Variants in ADAMTSL1 observed in about 807,000 individuals in gnomAD.
The protein encoded by ADAMTSL1 is ADAMTS-like protein 1.
Under a neutral mutation model 201.8 loss-of-function variants are expected in ADAMTSL1, and 126 were observed. That is an observed-to-expected ratio of 0.62 (90% CI 0.54 to 0.72). The LOEUF (loss-of-function observed/expected upper bound fraction) is 0.72. Among genes scored for constraint, ADAMTSL1 ranks in the 30% least tolerant of loss-of-function variants. The probability of loss-of-function intolerance (pLI) is 0.00; values close to 1 mark genes in which losing one functional copy is unlikely to be tolerated. For synonymous variants in ADAMTSL1, 1,121 were observed against 903.4 expected (o/e 1.24, Z -4.32); for missense variants, 2,679 against 2,277.8 (o/e 1.18, Z -3.59).
chr9:18,252,154 G>T (rs1831488806), intron 2 of ADAMTSL1, among the ~76,000 whole-genome samples: 1 of 152,112 alleles, frequency 6.6e-6, no homozygotes. Context: ...TAGGAGAAAA[G>T]TTGCAGTACA....
intron 2 of ADAMTSL1, among the ~76,000 whole-genome samples, chr9:18,171,299 A>C (rs1429591096): frequency 2.0e-5 from 3 of 152,092 alleles, no homozygotes; most frequent in African/African-American, 7.2e-5. Flanking sequence ...AACAAATTTC[A>C]GACATATTAA....
At chr9:18,515,441 C>A (rs920128618) in intron 2 of ADAMTSL1, among the ~76,000 whole-genome samples, 1 of 152,112 alleles carries the variant, frequency 6.6e-6, no homozygotes, top group Non-Finnish European at 1.5e-5. Flanking sequence ...TTCAAACCGT[C>A]CTCCTATCTC....
At chr9:18,536,835 C>G (rs1159690273) in intron 3 of ADAMTSL1, among the ~76,000 whole-genome samples, 3 of 152,142 alleles carry the variant, frequency 2.0e-5, no homozygotes, top group Non-Finnish European at 4.4e-5. Context: ...TTTCTTAGGT[C>G]ATATCTTCAT....
intron 4 of ADAMTSL1, among the ~76,000 whole-genome samples, chr9:18,598,184 C>T (rs570414669): frequency 1.3e-5 from 2 of 152,170 alleles, no homozygotes; most frequent in Non-Finnish European, 2.9e-5. Flanking sequence ...CAAATCAGTA[C>T]CTTTGAAAGG....
chr9:18,688,307 A>C (rs1437564797), intron 13 of ADAMTSL1, among the ~76,000 whole-genome samples: 1 of 151,414 alleles, frequency 6.6e-6, no homozygotes, highest in African/African-American at 2.4e-5. Flanking sequence ...TATTTTTAGT[A>C]AATAAGAGAC....
intron 4 of ADAMTSL1, among the ~76,000 whole-genome samples, chr9:18,595,556 C>G (rs922072830): frequency 3.9e-5 from 6 of 152,184 alleles, no homozygotes; most frequent in African/African-American, 1.2e-4. Flanking sequence ...TGCTTTGGGA[C>G]AGAAGTAGAT....
intron 2 of ADAMTSL1, among the ~76,000 whole-genome samples, chr9:18,205,851 C>T (rs560133284): frequency 6.6e-6 from 1 of 151,668 alleles, no homozygotes. Flanking sequence ...GTCAGGAGTT[C>T]GAGACCAGCC....
intron 5 of ADAMTSL1, among the ~76,000 whole-genome samples, chr9:18,629,926 T>C (rs1826639490): frequency 6.6e-6 from 1 of 152,224 alleles, no homozygotes; most frequent in South Asian, 2.1e-4. Flanking sequence ...ATAGTAACTA[T>C]TTTAATATCC....
At chr9:18,787,983 C>A (rs2133808821) in intron 19 of ADAMTSL1, among the ~76,000 whole-genome samples, 1 of 152,234 alleles carries the variant, frequency 6.6e-6, no homozygotes, top group East Asian at 1.9e-4. Flanking sequence ...AGAAGAAGAC[C>A]AGGGTTAAGA....
At chr9:18,031,996 C>G (rs1427672321) in intron 1 of ADAMTSL1, among the ~76,000 whole-genome samples, 2 of 152,182 alleles carry the variant, frequency 1.3e-5, no homozygotes, top group African/African-American at 2.4e-5. Context: ...TGGGGTCCAC[C>G]TAGTTCATGC....
At chr9:18,187,672 C>A (rs980918240) in intron 2 of ADAMTSL1, among the ~76,000 whole-genome samples, 3 of 151,728 alleles carry the variant, frequency 2.0e-5, no homozygotes, top group African/African-American at 7.3e-5. Flanking sequence ...GACTTTCTTC[C>A]CTGTAACAAG....
intron 1 of ADAMTSL1, among the ~76,000 whole-genome samples, chr9:17,916,053 G>A (rs1563892600): frequency 6.6e-6 from 1 of 152,150 alleles, no homozygotes; most frequent in Non-Finnish European, 1.5e-5. Context: ...CCAAGTAGCA[G>A]GGATGACAGG....
intron 1 of ADAMTSL1, among the ~76,000 whole-genome samples, chr9:18,106,022 C>A (rs1442288255): frequency 6.6e-6 from 1 of 152,178 alleles, no homozygotes; most frequent in Non-Finnish European, 1.5e-5. Context: ...TGTTTCTTAT[C>A]TTTGAATTCC....
intron 14 of ADAMTSL1, among the ~76,000 whole-genome samples, chr9:18,709,313 T>C (rs1475021556): frequency 6.6e-6 from 1 of 152,232 alleles, no homozygotes; most frequent in Non-Finnish European, 1.5e-5. Context: ...TTATCAACTT[T>C]GATCTTTCAC....
At chr9:18,847,591 C>T (rs1826208432) in intron 23 of ADAMTSL1, among the ~76,000 whole-genome samples, 2 of 152,188 alleles carry the variant, frequency 1.3e-5, no homozygotes, top group Non-Finnish European at 2.9e-5. Context: ...AGAGAGGGCT[C>T]ACTGAGAAAG....
At chr9:18,529,243 C>G (rs1296715826) in intron 2 of ADAMTSL1, among the ~76,000 whole-genome samples, 1 of 152,108 alleles carries the variant, frequency 6.6e-6, no homozygotes, top group Non-Finnish European at 1.5e-5. Flanking sequence ...TGTGTATCTA[C>G]CTATGTTTTT....
chr9:18,059,655 C>T (rs766340152), intron 1 of ADAMTSL1, among the ~76,000 whole-genome samples: 10 of 152,142 alleles, frequency 6.6e-5, no homozygotes, highest in Non-Finnish European at 1.3e-4. Flanking sequence ...GGATAAAAGC[C>T]AGTACAAAGT....
At chr9:18,309,146 C>T (rs1455139861) in intron 2 of ADAMTSL1, among the ~76,000 whole-genome samples, 1 of 149,576 alleles carries the variant, frequency 6.7e-6, no homozygotes, top group East Asian at 1.9e-4. Flanking sequence ...CCTATTCATG[C>T]TAAAAACTGT....
At chr9:18,293,279 C>G (rs1444128779) in intron 2 of ADAMTSL1, among the ~76,000 whole-genome samples, 2 of 152,146 alleles carry the variant, frequency 1.3e-5, no homozygotes, top group Non-Finnish European at 2.9e-5. Flanking sequence ...GGATGTTTGT[C>G]CCGTAATGGG....
Sources: gnomAD v4.1 joint callset for allele counts (sites outside exome capture counted in the v4.1 genomes callset) on GRCh38, gnomAD v4.1.1 for gene constraint, MANE v1.5 for transcripts, NCBI Gene and HGNC (gene_info 2026-07-23, HGNC 2026-07-21) for gene names.